Variants in TENM1 observed in about 807,000 individuals in gnomAD.
TENM1 encodes teneurin transmembrane protein 1, also known as teneurin-1.
TENM1 carries 35 observed loss-of-function variants against 174.8 expected under a neutral mutation model. That is an observed-to-expected ratio of 0.20 (90% CI 0.15 to 0.27). The LOEUF (loss-of-function observed/expected upper bound fraction) is 0.27. TENM1 is among the 10% of genes least tolerant of loss of function. The pLI is 1.00. For missense variants in TENM1, 1,633 were observed against 2,130.1 expected, an observed-to-expected ratio of 0.77 and a Z score of 4.59; for synonymous variants, 781 against 798.7, an observed-to-expected ratio of 0.98 and a Z score of 0.37.
chrX:124,460,279 G>A (rs2061155061), intron 22 of TENM1, among the ~76,000 whole-genome samples: 1 of 111,591 alleles, frequency 9.0e-6, no homozygotes. Flanking sequence ...ACATGCACGT[G>A]TATGTTCATT....
chrX:124,614,379 A>T (rs1212349894), intron 11 of TENM1, among the ~76,000 whole-genome samples: 3 of 112,179 alleles, frequency 2.7e-5, no homozygotes, highest in Non-Finnish European at 5.6e-5. Flanking sequence ...ATTGCACCTA[A>T]GAAGTTAATA....
chrX:124,781,187 T>C (rs2147173623), intron 3 of TENM1, among the ~76,000 whole-genome samples: 1 of 112,029 alleles, frequency 8.9e-6, no homozygotes, highest in Non-Finnish European at 1.9e-5. Context: ...TCAACAAATA[T>C]TACTTGAGCC....
chrX:124,455,471 C>T (rs962449015), intron 22 of TENM1, among the ~76,000 whole-genome samples: 4 of 111,313 alleles, frequency 3.6e-5, no homozygotes, highest in Non-Finnish European at 7.5e-5. Context: ...TGTGGCAGAC[C>T]TATTATTTAG....
chrX:124,860,251 C>G (rs1569466886), intron 3 of TENM1, among the ~76,000 whole-genome samples: 1 of 112,098 alleles, frequency 8.9e-6, no homozygotes, highest in African/African-American at 3.2e-5. Context: ...TGAGAGACAG[C>G]TGAATCTCAA....
chrX:125,200,159 A>T, the TENM1 span, among the ~76,000 whole-genome samples: 1 of 111,900 alleles, frequency 8.9e-6, no homozygotes, highest in Non-Finnish European at 1.9e-5. Context: ...TCTAAAAAAA[A>T]TCAATGGAAA....
intron 20 of TENM1, 43 bp from the exon 24 acceptor site, chrX:124,487,272 CAG>C (rs1164858525): frequency 1.2e-5 from 14 of 1,125,982 alleles, no homozygotes; most frequent in South Asian, 2.0e-5. Flanking sequence ...CAAAAGCAAA[CAG>C]AGAGTCATCA....
At position 124,651,582 on chromosome X, in the gene TENM1, C is replaced by T. The variant is rs184985465; in HGVS notation, c.1579+332G>A. Among the ~76,000 whole-genome samples the T allele has an allele frequency of 9.0e-3, 1,000 of 111,563 alleles. 25 individuals are homozygous for T. Among genetic ancestry groups the T allele is most frequent in the Admixed American group, 0.077 (809 of 10,465 alleles). On this transcript the variant is annotated intron_variant, in intron 8 of 31. Coordinates refer to ENST00000422452, the Ensembl canonical transcript of TENM1. ...AAATAACAGAACTTAAATTAACTTGCTTATTCCCTTTTTCACTGAAATTGT... is the reference window on the plus strand; with the variant it reads ...AAATAACAGAACTTAAATTAACTTGTTTATTCCCTTTTTCACTGAAATTGT...
At chrX:124,417,906 A>G (rs375860633) in intron 25 of TENM1, among the ~76,000 whole-genome samples, 3 of 111,420 alleles carry the variant, frequency 2.7e-5, no homozygotes, top group African/African-American at 9.8e-5. Flanking sequence ...CAATCTCTCT[A>G]TAAGTCCTGA....
At chrX:124,555,080 A>G (rs1293738947) in intron 14 of TENM1, among the ~76,000 whole-genome samples, 2 of 111,948 alleles carry the variant, frequency 1.8e-5, no homozygotes, top group African/African-American at 6.5e-5. Flanking sequence ...CCATAAGTCG[A>G]GTGAATGAAA....
intron 3 of TENM1, among the ~76,000 whole-genome samples, chrX:124,752,977 C>A (rs1281352215): frequency 1.4e-4 from 16 of 110,984 alleles, no homozygotes; most frequent in Admixed American, 1.1e-3. Flanking sequence ...GCGATGCGGG[C>A]TCTTTTTTGG....
intron 3 of TENM1, among the ~76,000 whole-genome samples, chrX:124,776,964 T>A (rs2054798979): frequency 9.0e-6 from 1 of 110,953 alleles, no homozygotes; most frequent in Non-Finnish European, 1.9e-5. Flanking sequence ...ACTTTAACAC[T>A]CATCCACTCT....
chrX:124,543,058 T>C (rs1017197544), intron 15 of TENM1, among the ~76,000 whole-genome samples: 2 of 112,077 alleles, frequency 1.8e-5, no homozygotes, highest in Non-Finnish European at 3.8e-5. Flanking sequence ...CAAACTCAAA[T>C]GCCAGCAAGG....
chrX:125,182,457 G>GA, the TENM1 span, among the ~76,000 whole-genome samples: 5 of 91,044 alleles, frequency 5.5e-5, no homozygotes, highest in African/African-American at 1.9e-4. Flanking sequence ...GGCGGGCGGG[G>GA]GGGGGGGCAT....
At chrX:124,950,529 T>C (rs767426325) in intron 1 of TENM1, among the ~76,000 whole-genome samples, 36 of 111,810 alleles carry the variant, frequency 3.2e-4, no homozygotes, top group Non-Finnish European at 6.4e-4. Context: ...AACAAATAGG[T>C]ATTGAATACT....
chrX:124,401,291 C>T (rs773898164), intron 27 of TENM1, among the ~76,000 whole-genome samples: 1 of 111,872 alleles, frequency 8.9e-6, no homozygotes, highest in Non-Finnish European at 1.9e-5. Context: ...GTCATTTTGT[C>T]CTTGAACAAT....
intron 13 of TENM1, 59 bp downstream of exon 16, chrX:124,563,690 C>T: frequency 1.1e-6 from 1 of 947,514 alleles, no homozygotes; most frequent in Non-Finnish European, 1.5e-6. Flanking sequence ...TTCTTTCTTA[C>T]ATGCATATTT....
At chrX:124,898,539 C>T (rs747492075) in intron 1 of TENM1, among the ~76,000 whole-genome samples, 5 of 109,982 alleles carry the variant, frequency 4.5e-5, no homozygotes, top group African/African-American at 6.6e-5. Context: ...ACTCATACAA[C>T]GGCATATGAG....
intron 22 of TENM1, among the ~76,000 whole-genome samples, chrX:124,459,980 G>C (rs1223081249): frequency 1.8e-5 from 2 of 112,181 alleles, no homozygotes; most frequent in Non-Finnish European, 3.8e-5. Context: ...ATGAAAAAAA[G>C]CTCAACATTA....
chrX:124,711,306 G>A (rs2053044154), intron 4 of TENM1, among the ~76,000 whole-genome samples: 1 of 111,885 alleles, frequency 8.9e-6, no homozygotes, highest in East Asian at 2.8e-4. Context: ...AGGGGAAAAT[G>A]TGCTCTCTAT....
Sources: gnomAD v4.1 joint callset for allele counts (sites outside exome capture counted in the v4.1 genomes callset) on GRCh38, gnomAD v4.1.1 for gene constraint, MANE v1.5 for transcripts, NCBI Gene and HGNC (gene_info 2026-07-23, HGNC 2026-07-21) for gene names.